Variants in TENM3 observed in about 807,000 individuals in gnomAD.
TENM3 encodes teneurin-3.
In TENM3, 63 loss-of-function variants were observed where a neutral mutation model predicts 255.1. That is an observed-to-expected ratio of 0.25 (90% confidence interval 0.20 to 0.30). The LOEUF (loss-of-function observed/expected upper bound fraction) is 0.30. Among genes scored for constraint, TENM3 ranks in the 10% least tolerant of loss-of-function variants. The probability of loss-of-function intolerance (pLI) is 1.00; values close to 1 mark genes in which losing one functional copy is unlikely to be tolerated. For missense variants in TENM3, 2,929 were observed against 3,461.1 expected, an observed-to-expected ratio of 0.85 and a Z score of 3.86; for synonymous variants, 1,306 against 1,322.3, an observed-to-expected ratio of 0.99 and a Z score of 0.27.
the TENM3 span, among the ~76,000 whole-genome samples, chr4:181,573,577 A>G: frequency 1.3e-5 from 2 of 152,184 alleles, no homozygotes; most frequent in African/African-American, 2.4e-5. Context: ...TGAAATATAG[A>G]AAACGAATAT....
At chr4:181,604,163 G>T in the TENM3 span, among the ~76,000 whole-genome samples, 3 of 152,116 alleles carry the variant, frequency 2.0e-5, no homozygotes, top group Non-Finnish European at 4.4e-5. Context: ...TACTCGGGAG[G>T]CTGAGGCAGG....
At chr4:182,727,848 A>G (rs1281183952) in intron 13 of TENM3, among the ~76,000 whole-genome samples, 1 of 146,442 alleles carries the variant, frequency 6.8e-6, no homozygotes, top group African/African-American at 2.5e-5. Flanking sequence ...AACACACTTA[A>G]CCTTCCTTAG....
chr4:182,072,275 C>A, the TENM3 span, among the ~76,000 whole-genome samples: 1 of 152,170 alleles, frequency 6.6e-6, no homozygotes, highest in Non-Finnish European at 1.5e-5. Context: ...AGACATTGTT[C>A]ATGAAATCAA....
chr4:181,787,171 T>G, the TENM3 span, among the ~76,000 whole-genome samples: 2 of 152,142 alleles, frequency 1.3e-5, no homozygotes, highest in Non-Finnish European at 2.9e-5. Flanking sequence ...CCCTCTGGTT[T>G]GAATTTTCGG....
chr4:182,704,797 G>T (rs1430228419), intron 12 of TENM3, among the ~76,000 whole-genome samples: 2 of 150,248 alleles, frequency 1.3e-5, no homozygotes, highest in African/African-American at 4.9e-5. Context: ...TTTAAAGCAC[G>T]TGTGCACACA....
intron 1 of TENM3, among the ~76,000 whole-genome samples, chr4:182,210,283 C>T (rs1754920873): frequency 6.6e-6 from 1 of 152,056 alleles, no homozygotes; most frequent in South Asian, 2.1e-4. Context: ...AAGCATTTTC[C>T]TTGAATTCAG....
rs1396717677 is a variant in TENM3 at position 182,200,637 on chromosome 4, G to T, written c.-76+55883G>T. Among the ~76,000 whole-genome samples, 3 of 152,140 alleles carry T rather than the reference G, an allele frequency of 2.0e-5. No homozygotes were observed. In the East Asian group the frequency reaches 5.8e-4, roughly 29 times the overall value. ...TGCTTAGCCTATAAGAAAGAACACA[G>T]ATTATAGAAAATTAGCTCCTGGCAT... On this transcript the variant is annotated intron_variant, in intron 1 of 2. Coordinates refer to the TENM3 transcript ENST00000512480.
intron 1 of TENM3, among the ~76,000 whole-genome samples, chr4:182,315,330 A>C (rs1010300317): frequency 2.6e-5 from 4 of 151,872 alleles, no homozygotes; most frequent in Non-Finnish European, 5.9e-5. Context: ...GCTGATGATC[A>C]GCTTCTGTAT....
At chr4:181,597,244 T>G in the TENM3 span, among the ~76,000 whole-genome samples, 2 of 152,202 alleles carry the variant, frequency 1.3e-5, no homozygotes, top group African/African-American at 4.8e-5. Context: ...AAAAATTAGA[T>G]TCAGTCTTAC....
chr4:182,065,184 G>A, the TENM3 span, among the ~76,000 whole-genome samples: 16 of 152,034 alleles, frequency 1.1e-4, no homozygotes, highest in Middle Eastern at 3.4e-3. Flanking sequence ...ATAGGCATGT[G>A]GCACCATGCC....
intron 3 of TENM3, among the ~76,000 whole-genome samples, chr4:182,459,171 A>G (rs1384536742): frequency 6.6e-6 from 1 of 152,216 alleles, no homozygotes; most frequent in Admixed American, 6.5e-5. Flanking sequence ...AATTAGATCT[A>G]TTCCCGAGAG....
chr4:181,523,939 G>C, the TENM3 span, among the ~76,000 whole-genome samples: 3 of 152,164 alleles, frequency 2.0e-5, no homozygotes, highest in African/African-American at 7.2e-5. Context: ...AAGGAAACAA[G>C]TCTTTGTTGG....
chr4:182,160,796 A>G (rs1294171598), intron 1 of TENM3, among the ~76,000 whole-genome samples: 2 of 152,110 alleles, frequency 1.3e-5, no homozygotes, highest in African/African-American at 4.8e-5. Context: ...GCTATTGTAT[A>G]TTTCAAAAGA....
At chr4:181,726,463 G>C in the TENM3 span, among the ~76,000 whole-genome samples, 2 of 152,130 alleles carry the variant, frequency 1.3e-5, no homozygotes, top group African/African-American at 2.4e-5. Context: ...GCTCAGAAAG[G>C]TTAAGTAACT....
the TENM3 span, among the ~76,000 whole-genome samples, chr4:182,078,098 T>C: frequency 0.24 from 36,235 of 152,048 alleles, 4,524 homozygotes; most frequent in African/African-American, 0.31. Context: ...AACCAGCCCA[T>C]GCCTGTAGTC....
At chr4:181,587,853 A>T in the TENM3 span, among the ~76,000 whole-genome samples, 1 of 152,112 alleles carries the variant, frequency 6.6e-6, no homozygotes, top group African/African-American at 2.4e-5. Flanking sequence ...TTATATTATG[A>T]GTACTATTTG....
At chr4:182,107,151 T>TACACACACAC in the TENM3 span, among the ~76,000 whole-genome samples, 1,355 of 146,046 alleles carry the variant, frequency 9.3e-3, 16 homozygotes, top group South Asian at 0.011. Context: ...AAACAGAACA[T>TACACACACAC]ACACACACAC....
the TENM3 span, among the ~76,000 whole-genome samples, chr4:181,889,996 A>C: frequency 6.6e-6 from 1 of 152,204 alleles, no homozygotes; most frequent in African/African-American, 2.4e-5. Context: ...CAGCCTTGCT[A>C]ATCAAGAGAA....
At chr4:181,704,979 AG>A in the TENM3 span, among the ~76,000 whole-genome samples, 1 of 151,648 alleles carries the variant, frequency 6.6e-6, no homozygotes, top group African/African-American at 2.4e-5. Context: ...CAGTGAGCCC[AG>A]ATCACACCAC....
Sources: gnomAD v4.1 joint callset for allele counts (sites outside exome capture counted in the v4.1 genomes callset) on GRCh38, gnomAD v4.1.1 for gene constraint, MANE v1.5 for transcripts, NCBI Gene and HGNC (gene_info 2026-07-23, HGNC 2026-07-21) for gene names.